The following FBN1 variants were observed in gnomAD, a reference collection of about 807,000 sequenced individuals.
The protein encoded by FBN1 is fibrillin-1.
Under a neutral mutation model 365.1 loss-of-function variants are expected in FBN1, and 29 were observed. The ratio of observed to expected loss-of-function variants is 0.08; its 90% CI spans 0.06 to 0.11. The LOEUF is 0.11. FBN1 is among the 10% of genes least tolerant of loss of function. The pLI is 1.00. For missense variants in FBN1, 2,476 were observed against 3,703.2 expected, an observed-to-expected ratio of 0.67 and a Z score of 8.60; for synonymous variants, 1,210 against 1,270.5, an observed-to-expected ratio of 0.95 and a Z score of 1.01.
chr15:48,503,679 C>A lies in FBN1; in HGVS notation c.2113+108G>T, dbSNP rs1044363507. On this transcript the variant is annotated intron_variant, in intron 17 of 65. Coordinates refer to ENST00000316623, the MANE Select transcript of FBN1 (RefSeq NM_000138.5). ...GCCAAGACCCCAAGAAGGCACATGG[C>A]GTACCTGGAGAGCAAAATGTCATCT... 1.5e-5 allele frequency: 22 copies of A among 1,449,286 alleles called. 1 individual carries two copies. The South Asian group carries it at 2.6e-4, about 17-fold the overall frequency. The allele number at this position is 1,449,286 out of a possible 1,614,324, so 89.8% of individuals were successfully genotyped here. A position where few individuals can be genotyped will look rare whatever the true frequency, so the allele number is the denominator to read the frequency against.
At chr15:48,454,147 A>G (rs2043222072) in intron 44 of FBN1, among the ~76,000 whole-genome samples, 1 of 152,254 alleles carries the variant, frequency 6.6e-6, no homozygotes, top group Non-Finnish European at 1.5e-5. Flanking sequence ...GGATCTTGCT[A>G]AAATGCAGAT....
chr15:48,628,004 C>A (rs1041750260), intron 2 of FBN1, among the ~76,000 whole-genome samples: 11 of 152,172 alleles, frequency 7.2e-5, no homozygotes, highest in African/African-American at 2.7e-4. Context: ...TAGCAGCACC[C>A]ACTGACGAAA....
chr15:48,485,826 C>G (rs904512999), intron 29 of FBN1, among the ~76,000 whole-genome samples: 3 of 152,166 alleles, frequency 2.0e-5, no homozygotes, highest in Non-Finnish European at 4.4e-5. Context: ...TTATAAATCA[C>G]CCAGTTTCAG....
At chr15:48,536,616 C>T (rs2044015698) in intron 7 of FBN1, among the ~76,000 whole-genome samples, 1 of 152,220 alleles carries the variant, frequency 6.6e-6, no homozygotes, top group African/African-American at 2.4e-5. Flanking sequence ...CTTATTTCTT[C>T]TCCTGACATT....
chr15:48,434,457 T>A, intron 54 of FBN1, 137 bp downstream of exon 54: 1 of 1,048,992 alleles, frequency 9.5e-7, no homozygotes, highest in Non-Finnish European at 1.5e-6. Context: ...AAAAGAAGAA[T>A]GATCAAATGG....
intron 2 of FBN1, among the ~76,000 whole-genome samples, chr15:48,630,731 CAAAA>C (rs11393587): frequency 4.5e-5 from 5 of 111,080 alleles, no homozygotes; most frequent in African/African-American, 1.2e-4. Flanking sequence ...GACTCCATCT[CAAAA>C]AAAAAAAAAA....
rs147412492 is a variant in FBN1, at chr15:48,640,680, T to C, written c.164+3926A>G. Among the ~76,000 whole-genome samples, 6 of 152,252 alleles carry C rather than the reference T, an allele frequency of 3.9e-5. No individual in the cohort carries two copies. The East Asian group carries it at 5.8e-4, about 15-fold the overall frequency. On this transcript the variant is annotated intron_variant, in intron 2 of 65. Transcript: ENST00000316623. ...AAGGAATCACACACAAGGGGACAAA[T>C]TGTGTCAAATACAACTGGTCTCATG... is the stretch of plus-strand genomic sequence containing the variant.
intron 4 of FBN1, among the ~76,000 whole-genome samples, chr15:48,606,940 AG>A (rs1330744057): frequency 2.0e-5 from 3 of 152,198 alleles, no homozygotes; most frequent in African/African-American, 7.2e-5. Flanking sequence ...TCGGGAGTTC[AG>A]CCCCATTTTC....
At chr15:48,474,186 G>C in intron 34 of FBN1, 69 bp downstream of exon 34, 1 of 1,606,398 alleles carries the variant, frequency 6.2e-7, no homozygotes, top group Non-Finnish European at 8.5e-7. Context: ...AGAATTGCTA[G>C]CCTGAGAAAT....
intron 63 of FBN1, among the ~76,000 whole-genome samples, chr15:48,419,294 G>A (rs1311172504): frequency 5.3e-5 from 8 of 152,146 alleles, no homozygotes; most frequent in East Asian, 1.9e-4. Flanking sequence ...TGGCCTGGTC[G>A]CCTCTACCAT....
chr15:48,532,564 T>C (rs1341600938), intron 8 of FBN1, among the ~76,000 whole-genome samples: 2 of 151,782 alleles, frequency 1.3e-5, no homozygotes, highest in Non-Finnish European at 2.9e-5. Flanking sequence ...AACTTTCATC[T>C]AGGAAAGAGG....
chr15:48,520,918 G>A (rs1275438614), intron 9 of FBN1, 101 bp from the exon 10 acceptor site: 12 of 1,503,784 alleles, frequency 8.0e-6, no homozygotes, highest in Admixed American at 3.5e-5. Flanking sequence ...CTGGGGCTAC[G>A]GCAGGATTAA....
chr15:48,450,046 A>G (rs1363169546), intron 45 of FBN1, among the ~76,000 whole-genome samples: 2 of 152,234 alleles, frequency 1.3e-5, no homozygotes, highest in South Asian at 4.1e-4. Context: ...ATTGAAATAG[A>G]GCAGCTTAGG....
chr15:48,626,004 A>G (rs1346577367), intron 2 of FBN1, among the ~76,000 whole-genome samples: 1 of 152,208 alleles, frequency 6.6e-6, no homozygotes, highest in Non-Finnish European at 1.5e-5. Context: ...AGTAGTGAGT[A>G]TTTAATTTAT....
intron 16 of FBN1, 121 bp downstream of exon 16, chr15:48,504,904 T>C: frequency 7.5e-7 from 1 of 1,330,250 alleles, no homozygotes; most frequent in Non-Finnish European, 1.1e-6. Flanking sequence ...TGTTGGTTTG[T>C]TGCTCTGCAA....
At position 48,445,356 on chromosome 15, in the gene FBN1, T is replaced by C. The variant is rs2043149804; in HGVS notation, c.5917+20A>G. 1 of 1,612,226 alleles carries C rather than the reference T, an allele frequency of 6.2e-7. No homozygotes were observed. Among genetic ancestry groups the C allele is most frequent in the African/African-American group, 1.3e-5 (1 of 74,872 alleles). ...TCTCTGGAAGCATTCTTTCCAGGTC[T>C]TTCTAAGTCCTGTACTTACCCACAC... is the stretch of plus-strand genomic sequence containing the variant. On this transcript the variant is annotated intron_variant, in intron 48 of 65. Coordinates refer to ENST00000316623, the MANE Select transcript of FBN1 (RefSeq NM_000138.5).
At chr15:48,561,046 G>T (rs1425643673) in intron 6 of FBN1, among the ~76,000 whole-genome samples, 1 of 152,110 alleles carries the variant, frequency 6.6e-6, no homozygotes, top group Non-Finnish European at 1.5e-5. Context: ...TTACAGACTA[G>T]AAAACAAAGT....
intron 17 of FBN1, among the ~76,000 whole-genome samples, chr15:48,502,349 C>T (rs113477825): frequency 0.018 from 2,723 of 152,218 alleles, 93 homozygotes; most frequent in African/African-American, 0.063. Flanking sequence ...CCTGGCCCCC[C>T]ATTTCTTTTA....
At chr15:48,521,507 TG>T (rs1403549050) in intron 9 of FBN1, among the ~76,000 whole-genome samples, 7 of 152,242 alleles carry the variant, frequency 4.6e-5, no homozygotes, top group Admixed American at 3.3e-4. Context: ...AGAAGGATTT[TG>T]TTGTTGTTTT....
Sources: allele counts gnomAD v4.1 joint callset (sites outside exome capture counted in the v4.1 genomes callset), GRCh38; gene constraint gnomAD v4.1.1; transcripts MANE v1.5; gene names NCBI Gene and HGNC (gene_info 2026-07-23, HGNC 2026-07-21).